FAHD2A: variants seen among roughly 807,000 people sequenced by gnomAD.
FAHD2A encodes fumarylacetoacetate hydrolase domain containing 2A.
Under a neutral mutation model 33.4 loss-of-function variants are expected in FAHD2A, and 27 were observed. The observed-to-expected ratio is 0.81, with a 90% CI of 0.60 to 1.11. The LOEUF (loss-of-function observed/expected upper bound fraction) is 1.11, where lower values mean the gene tolerates loss of function less well. Among genes scored for constraint, FAHD2A ranks in the 50% most tolerant of loss-of-function variants. The pLI is 0.00. For synonymous variants in FAHD2A, 130 were observed against 153.3 expected (o/e 0.85, Z 1.12); for missense variants, 296 against 395.0 (o/e 0.75, Z 2.12).
At position 95,413,269 on chromosome 2, in the gene FAHD2A, T is replaced by G; in HGVS notation, c.*312T>G. Reference sequence around the variant, plus strand: ...GCTGCTGGGCTGGGGAAAAGACAATTCGTGTCGTCCCCTTGTTTATCACAT... The same window carrying G: ...GCTGCTGGGCTGGGGAAAAGACAATGCGTGTCGTCCCCTTGTTTATCACAT... On this transcript the variant is annotated 3_prime_UTR_variant, in exon 8 of 8. Coordinates refer to ENST00000233379, the MANE Select transcript of FAHD2A (RefSeq NM_016044.3). 1 of 1,344,320 alleles carries G rather than the reference T, an allele frequency of 7.4e-7. No individual in the cohort carries two copies. Among genetic ancestry groups the G allele is most frequent in the Non-Finnish European group, 9.9e-7 (1 of 1,005,560 alleles). 83.3% of individuals were successfully genotyped at this position (1,344,320 alleles called of 1,614,324 possible).
chr2:95,405,736 C>G lies in FAHD2A; in HGVS notation c.178C>G (p.Pro60Ala). 6.2e-7 allele frequency: 1 copy of G among 1,613,884 alleles called. No individual in the cohort carries two copies. Among genetic ancestry groups the G allele is most frequent in the Non-Finnish European group, 8.5e-7 (1 of 1,179,910 alleles). The change falls in exon 2 of 8, where the codon CCC (proline) becomes GCC (alanine). Residue 60 changes from proline to alanine, a missense_variant. Pro to Ala is a conservative substitution (Grantham distance 27). Coordinates refer to ENST00000233379, the MANE Select transcript of FAHD2A (RefSeq NM_016044.3). Reference protein sequence around the residue: ...GGVINLNAFDPTLPKTMTQFL... With the variant: ...GGVINLNAFDATLPKTMTQFL... ...GGTTATCAACCTCAATGCCTTTGAC[C>G]CCACACTCCCGAAGACGATGACGCA... is the stretch of plus-strand genomic sequence containing the variant.
Position 95,413,956 on chromosome 2 carries a change from T to C in FAHD2A, c.*999T>C. 9 of 1,338,478 alleles carry C rather than the reference T, an allele frequency of 6.7e-6. No homozygotes were observed. The South Asian group carries it at 1.1e-4, about 16-fold the overall frequency. The allele number at this position is 1,338,478 out of a possible 1,614,324, so 82.9% of individuals were successfully genotyped here. A position where few individuals can be genotyped will look rare whatever the true frequency, so the allele number is the denominator to read the frequency against. On this transcript the variant is annotated 3_prime_UTR_variant, in exon 8 of 8. Coordinates refer to ENST00000233379, the MANE Select transcript of FAHD2A (RefSeq NM_016044.3). The stretch of plus-strand genomic sequence containing the variant: ...CAGAAGATGGTGACACTGGCTCCTC[T>C]CACCCCTAGGTCTCTGAAGGTCCAG...
downstream of FAHD2A, among the ~76,000 whole-genome samples, chr2:95,418,421 G>A (rs1464397961): frequency 1.3e-5 from 2 of 152,026 alleles, no homozygotes; most frequent in African/African-American, 4.8e-5. Flanking sequence ...ATGAAGGTTG[G>A]GAGGAGGCCA....
In FAHD2A at chr2:95,414,473, G is replaced by T. The variant is rs1182974481; in HGVS notation, c.*1516G>T. Reference sequence around the variant, plus strand: ...CTGCTTCGTCCCAGATTCTGTTTTTGTTTTCCTGAATCAGACTTAGTCTCC... The same window carrying T: ...CTGCTTCGTCCCAGATTCTGTTTTTTTTTTCCTGAATCAGACTTAGTCTCC... On this transcript the variant is annotated 3_prime_UTR_variant, in exon 8 of 8. Transcript: ENST00000233379. 6.2e-5 allele frequency: 31 copies of T among 502,612 alleles called. No individual in the cohort carries two copies. The highest frequency in any genetic ancestry group is 1.6e-4 in the Admixed American group (5 of 30,418). 31.1% of individuals were successfully genotyped at this position (502,612 alleles called of 1,614,324 possible). A position where few individuals can be genotyped will look rare whatever the true frequency, so the allele number is the denominator to read the frequency against.
In FAHD2A at chr2:95,405,545, C is replaced by A; in HGVS notation, c.-6-8C>A. ...TCTGTCTCCTGGATCCTGCATTTTT[C>A]TCTGCAGGCTCTGATGCTGGTGTCT... On this transcript the variant is annotated splice_polypyrimidine_tract_variant and splice_region_variant and intron_variant, in intron 1 of 7. Coordinates refer to ENST00000233379, the MANE Select transcript of FAHD2A (RefSeq NM_016044.3). 1 of 1,600,894 alleles carries A rather than the reference C, an allele frequency of 6.2e-7. No individual in the cohort carries two copies. Among genetic ancestry groups the A allele is most frequent in the South Asian group, 1.1e-5 (1 of 90,048 alleles).
downstream of FAHD2A, among the ~76,000 whole-genome samples, chr2:95,421,306 A>G (rs1683311351): frequency 1.6e-5 from 1 of 63,684 alleles, no homozygotes; most frequent in Admixed American, 1.7e-4. Context: ...CTTTTCATAC[A>G]AGAAAATACC....
At chr2:95,410,484 C>G in intron 3 of FAHD2A, 43 bp from the exon 4 acceptor site, 3 of 1,581,292 alleles carry the variant, frequency 1.9e-6, no homozygotes, top group Non-Finnish European at 2.6e-6. Context: ...GGACAGTGGG[C>G]CCTGAAGCCA....
In FAHD2A at chr2:95,412,474, A is replaced by G; in HGVS notation, c.726A>G (p.Glu242=). 1 of 1,613,976 alleles carries G rather than the reference A, an allele frequency of 6.2e-7. No homozygotes were observed. The highest frequency in any genetic ancestry group is 1.3e-5 in the African/African-American group (1 of 75,042). ...AGATCTGCTGCCGAGTGAATGGGGA[A>G]GTGGTCCAGAGCGGCAACACCAACC... ...NLKICCRVNG[E]VVQSGNTNQM... The change falls in exon 6 of 8, where the codon GAA becomes GAG. Residue 242 remains glutamate, a synonymous_variant. Transcript: ENST00000233379.
chr2:95,406,068 C>T (rs1315334010), intron 2 of FAHD2A, among the ~76,000 whole-genome samples: 1 of 150,878 alleles, frequency 6.6e-6, no homozygotes, highest in African/African-American at 2.4e-5. Flanking sequence ...CTCTATACTT[C>T]ATCACACTGC....
At chr2:95,408,035 A>ATTTTT (rs11377714) in intron 3 of FAHD2A, among the ~76,000 whole-genome samples, 118 of 94,654 alleles carry the variant, frequency 1.2e-3, no homozygotes, top group Non-Finnish European at 1.9e-3. Flanking sequence ...GCAAACACAC[A>ATTTTT]TTTTTTTTTT....
downstream of FAHD2A, among the ~76,000 whole-genome samples, chr2:95,420,114 T>C (rs918263753): frequency 2.6e-5 from 4 of 152,202 alleles, no homozygotes; most frequent in African/African-American, 9.6e-5. Flanking sequence ...AGGCCCTCAA[T>C]TGATTGGAAC....
intron 1 of FAHD2A, chr2:95,405,145 G>A (rs1681323276): frequency 6.2e-6 from 1 of 161,208 alleles, no homozygotes; most frequent in South Asian, 1.9e-4. Context: ...CTAGAGAAGG[G>A]TAGAGCCCCT....
In FAHD2A at chr2:95,415,876, TA is replaced by T. The variant is rs1683111005; in HGVS notation, c.*2922del. 6.6e-6 allele frequency: 1 copy of T among 152,348 alleles called. No homozygotes were observed. Among genetic ancestry groups the T allele is most frequent in the Non-Finnish European group, 1.5e-5 (1 of 68,060 alleles). The allele number at this position is 152,348 out of a possible 1,614,324, so 9.4% of individuals were successfully genotyped here. On this transcript the variant is annotated 3_prime_UTR_variant, in exon 8 of 8. Transcript: ENST00000233379. ...AGGATGCTATTTAACCTCTCTAAGC[TA>T]AAGCTCCTCGACTGCAGCATCAACA... is the stretch of plus-strand genomic sequence containing the variant.
At chr2:95,410,431 C>CA (rs1682280859) in intron 3 of FAHD2A, 96 bp from the exon 4 acceptor site, 26 of 1,496,028 alleles carry the variant, frequency 1.7e-5, no homozygotes, top group Non-Finnish European at 2.4e-5. Flanking sequence ...GCCATACTGA[C>CA]AAAGGTTGAG....
downstream of FAHD2A, among the ~76,000 whole-genome samples, chr2:95,417,051 G>A (rs1353484660): frequency 3.3e-5 from 5 of 152,232 alleles, no homozygotes; most frequent in East Asian, 5.8e-4. Flanking sequence ...GGCACACAGA[G>A]TGCCCCCTCT....
At chr2:95,411,987 C>T (rs1049459891) in intron 5 of FAHD2A, among the ~76,000 whole-genome samples, 1 of 152,186 alleles carries the variant, frequency 6.6e-6, no homozygotes, top group Non-Finnish European at 1.5e-5. Flanking sequence ...CAAGCACTCA[C>T]TAAGTTACCC....
chr2:95,407,529 A>G (rs1161888198), intron 3 of FAHD2A: 1 of 208,728 alleles, frequency 4.8e-6, no homozygotes, highest in Non-Finnish European at 9.8e-6. Context: ...AGACTCCATC[A>G]GGAGCATTTT....
chr2:95,409,506 A>G (rs1381960710), intron 3 of FAHD2A, among the ~76,000 whole-genome samples: 2 of 152,136 alleles, frequency 1.3e-5, no homozygotes, highest in Non-Finnish European at 2.9e-5. Context: ...ACGGGGTTTC[A>G]TCATGTTGGC....
Position 95,407,045 on chromosome 2 carries a change from AC to A in FAHD2A, c.352del (p.His118ThrfsTer39). 6.2e-7 allele frequency: 1 copy of A among 1,613,770 alleles called. No homozygotes were observed. The highest frequency in any genetic ancestry group is 1.7e-5 in the Admixed American group (1 of 60,016). ...GTGTGTGTGGGCATGAATTATGTGG[AC>A]CACTGCAAAGAACAGAACGTGCCCG... ...KVVCVGMNYV[D>X]HCKEQNVPVP... On this transcript the variant is annotated frameshift_variant, in exon 3 of 8. Transcript: ENST00000233379. LOFTEE classifies it high-confidence loss of function.
Sources: allele counts gnomAD v4.1 joint callset (sites outside exome capture counted in the v4.1 genomes callset), GRCh38; gene constraint gnomAD v4.1.1; transcripts MANE v1.5; gene names NCBI Gene and HGNC (gene_info 2026-07-23, HGNC 2026-07-21).